The following PCDHGA1 variants were observed in gnomAD, a reference collection of about 807,000 sequenced individuals.
The protein encoded by PCDHGA1 is protocadherin gamma subfamily A, 1, also known as protocadherin gamma-A1.
In PCDHGA1, 32 loss-of-function variants were observed where a neutral mutation model predicts 58.0. The ratio of observed to expected loss-of-function variants is 0.55; its 90% CI spans 0.42 to 0.74. The LOEUF is 0.74. Ranked by LOEUF, PCDHGA1 falls within the 30% of genes least tolerant of loss-of-function variation. PCDHGA1 has a pLI of 0.00. For synonymous variants in PCDHGA1, 498 were observed against 501.1 expected (o/e 0.99, Z 0.08); for missense variants, 1,205 against 1,182.3 (o/e 1.02, Z -0.28).
At chr5:141,413,990 A>G (rs1179968710) in intron 1 of PCDHGA1, 6 of 1,613,434 alleles carry the variant, frequency 3.7e-6, no homozygotes, top group Admixed American at 1.7e-5. Context: ...ACAGCCACCG[A>G]CAGGGACGAA....
In PCDHGA1 at chr5:141,474,958, C is replaced by T. The variant is rs114469479; in HGVS notation, c.2422-19849C>T. On this transcript the variant is annotated intron_variant, in intron 1 of 3. Transcript: ENST00000517417. ...CACAGTGGACTCTTTTATTCACTAT[C>T]CTAATCATTATAATTTTGTTTGGTG... is the stretch of plus-strand genomic sequence containing the variant. Among the ~76,000 whole-genome samples the T allele has an allele frequency of 4.4e-3, 666 of 152,340 alleles. 6 individuals are homozygous for T. The highest frequency in any genetic ancestry group is 0.015 in the African/African-American group (634 of 41,572).
In PCDHGA1 at chr5:141,383,687, C is replaced by T; in HGVS notation, c.2421+50582C>T. 1.2e-6 allele frequency: 2 copies of T among 1,613,968 alleles called. No homozygotes were observed. Among genetic ancestry groups the T allele is most frequent in the Middle Eastern group, 1.6e-4 (1 of 6,062 alleles). Reference sequence around the variant, plus strand: ...GTGCCAGTGGGTACAAGACTGCTCACGGTACATGCTATCGACCTGGACGAG... The same window carrying T: ...GTGCCAGTGGGTACAAGACTGCTCATGGTACATGCTATCGACCTGGACGAG... On this transcript the variant is annotated intron_variant, in intron 1 of 3. Coordinates refer to ENST00000517417, the MANE Select transcript of PCDHGA1 (RefSeq NM_018912.3).
intron 1 of PCDHGA1, among the ~76,000 whole-genome samples, chr5:141,453,047 G>A (rs930795400): frequency 1.3e-5 from 2 of 152,172 alleles, no homozygotes; most frequent in African/African-American, 4.8e-5. Context: ...TTTCTATTAT[G>A]TGCAGTTTTA....
In PCDHGA1 at chr5:141,476,833, C is replaced by T. The variant is rs746365316; in HGVS notation, c.2422-17974C>T. 1.4e-5 allele frequency: 23 copies of T among 1,613,524 alleles called. No homozygotes were observed. Among genetic ancestry groups the T allele is most frequent in the Non-Finnish European group, 1.9e-5 (23 of 1,180,050 alleles). On this transcript the variant is annotated intron_variant, in intron 1 of 3. Coordinates refer to ENST00000517417, the MANE Select transcript of PCDHGA1 (RefSeq NM_018912.3). The surrounding 1 kb of genome is among the most constrained non-coding windows in gnomAD (Gnocchi z 7.6). Reference sequence around the variant, plus strand: ...ACATCAAGGTGCTGGACGCGAATGACAATGCGCCTGTCTTCAACCAGTCCT... The same window carrying T: ...ACATCAAGGTGCTGGACGCGAATGATAATGCGCCTGTCTTCAACCAGTCCT...
intron 1 of PCDHGA1, chr5:141,346,027 C>G: frequency 1.2e-6 from 2 of 1,613,468 alleles, no homozygotes; most frequent in Non-Finnish European, 1.7e-6. Flanking sequence ...GTGGCCGTGG[C>G]CGACAGGATC....
chr5:141,374,179 C>G, intron 1 of PCDHGA1: 1 of 1,613,664 alleles, frequency 6.2e-7, no homozygotes, highest in East Asian at 2.2e-5. Flanking sequence ...CGCAGATCCG[C>G]TACTCTATTC....
Position 141,511,349 on chromosome 5 carries a change from C to T in PCDHGA1, c.*176C>T, listed in dbSNP as rs1463242262. The T allele has an allele frequency of 2.1e-6, 3 of 1,401,380 alleles. No homozygotes were observed. The highest frequency in any genetic ancestry group is 2.9e-5 in the African/African-American group (2 of 68,826). 86.8% of individuals were successfully genotyped at this position (1,401,380 alleles called of 1,614,324 possible). The stretch of plus-strand genomic sequence containing the variant: ...GCCCAGTCAGCACCTACCCCTTCCC[C>T]CCCAGGGGGTTGAATATGCAAAAGC... On this transcript the variant is annotated 3_prime_UTR_variant, in exon 4 of 4. Transcript: ENST00000517417.
intron 1 of PCDHGA1, chr5:141,405,602 A>C: frequency 1.7e-6 from 1 of 572,914 alleles, no homozygotes; most frequent in South Asian, 2.3e-5. Flanking sequence ...CCCAAGTAGA[A>C]TAACTGGGAC....
intron 1 of PCDHGA1, among the ~76,000 whole-genome samples, chr5:141,407,218 G>A (rs1056826116): frequency 1.3e-5 from 2 of 152,108 alleles, no homozygotes; most frequent in Admixed American, 6.5e-5. Flanking sequence ...CCTTAAGTGG[G>A]TAGCAAAAAA....
rs1280755615 is a variant in PCDHGA1, at chr5:141,431,629, A to G, written c.2422-63178A>G. 1 of 1,614,246 alleles carries G rather than the reference A, an allele frequency of 6.2e-7. No individual in the cohort carries two copies. ...GGTATGTGGACGACAAGGCGGCCCA[A>G]GTTTTCAAACTAGATTGTAATTCAG... On this transcript the variant is annotated intron_variant, in intron 1 of 3. Transcript: ENST00000517417. The surrounding 1 kb of genome is among the most constrained non-coding windows in gnomAD (Gnocchi z 4.8).
chr5:141,390,297 G>C, intron 1 of PCDHGA1: 2 of 1,613,826 alleles, frequency 1.2e-6, no homozygotes, highest in Non-Finnish European at 1.7e-6. Context: ...TTTCCTTTAA[G>C]TATAATTTAA....
intron 1 of PCDHGA1, chr5:141,346,626 G>A (rs558060887): frequency 4.7e-5 from 48 of 1,022,914 alleles, no homozygotes; most frequent in African/African-American, 3.9e-4. Context: ...TGCACTCCCC[G>A]GTCTGGTTAT....
At chr5:141,360,289 A>G in intron 1 of PCDHGA1, 6 of 1,613,996 alleles carry the variant, frequency 3.7e-6, no homozygotes, top group Middle Eastern at 1.6e-4. Flanking sequence ...AAACCTCGCC[A>G]AGGATCTGGG....
At chr5:141,410,258 G>C in intron 1 of PCDHGA1, 1 of 1,614,022 alleles carries the variant, frequency 6.2e-7, no homozygotes, top group Non-Finnish European at 8.5e-7. Context: ...TGACCCCCAG[G>C]CTGAACTGCA....
At position 141,432,319 on chromosome 5, in the gene PCDHGA1, C is replaced by A; in HGVS notation, c.2422-62488C>A. The A allele has an allele frequency of 6.2e-7, 1 of 1,614,264 alleles. No individual in the cohort carries two copies. Among genetic ancestry groups the A allele is most frequent in the South Asian group, 1.1e-5 (1 of 91,088 alleles). ...GGGTACTGTATGCGCTGAGCTCCTTCGACTACGAGCAGTTCCGAGACTTGC... is the reference window on the plus strand; with the variant it reads ...GGGTACTGTATGCGCTGAGCTCCTTAGACTACGAGCAGTTCCGAGACTTGC... On this transcript the variant is annotated intron_variant, in intron 1 of 3. Transcript: ENST00000517417. The surrounding 1 kb of genome is among the most constrained non-coding windows in gnomAD (Gnocchi z 6.0).
At chr5:141,501,318 C>T (rs1273608837) in intron 2 of PCDHGA1, among the ~76,000 whole-genome samples, 1 of 151,766 alleles carries the variant, frequency 6.6e-6, no homozygotes, top group African/African-American at 2.4e-5. Flanking sequence ...CACACACACA[C>T]ACACACACAC....
intron 1 of PCDHGA1, among the ~76,000 whole-genome samples, chr5:141,452,082 T>A (rs924362905): frequency 3.3e-5 from 5 of 152,240 alleles, no homozygotes; most frequent in Non-Finnish European, 7.3e-5. Context: ...GTTGGCATTA[T>A]ACAGTAAGAA....
At chr5:141,342,402 A>G (rs945913901) in intron 1 of PCDHGA1, 12 of 152,178 alleles carry the variant, frequency 7.9e-5, no homozygotes, top group African/African-American at 2.9e-4. Context: ...AATAACAGAG[A>G]ATAATAAGCA....
intron 1 of PCDHGA1, chr5:141,395,091 A>ACCG (rs771313907): frequency 6.2e-7 from 1 of 1,614,118 alleles, no homozygotes; most frequent in South Asian, 1.1e-5. Context: ...AGTCTCCCTC[A>ACCG]CCGCCGACTC....
Sources: allele counts gnomAD v4.1 joint callset (sites outside exome capture counted in the v4.1 genomes callset), GRCh38; gene constraint gnomAD v4.1.1; non-coding constraint Gnocchi (gnomAD v3.1); transcripts MANE v1.5; gene names NCBI Gene and HGNC (gene_info 2026-07-23, HGNC 2026-07-21).